Variants in USP42 observed in about 807,000 individuals in gnomAD.
USP42 encodes ubiquitin carboxyl-terminal hydrolase 42.
In USP42, 23 loss-of-function variants were observed where a neutral mutation model predicts 113.0. The observed-to-expected ratio is 0.20, with a 90% CI of 0.15 to 0.29. USP42 has a LOEUF of 0.29. Among genes scored for constraint, USP42 ranks in the 10% least tolerant of loss-of-function variants. The probability of loss-of-function intolerance (pLI) is 1.00; values close to 1 mark genes in which losing one functional copy is unlikely to be tolerated. For synonymous variants in USP42, 933 were observed against 699.0 expected (o/e 1.33, Z -5.28); for missense variants, 2,174 against 1,779.8 (o/e 1.22, Z -3.99).
At chr7:6,104,830 C>A (rs1237070884), upstream of USP42, 2 of 149,668 alleles carry the variant, frequency 1.3e-5, no homozygotes, top group Non-Finnish European at 3.0e-5. Context: ...GTGCGACGGC[C>A]CCTGGGCGGC....
intron 3 of USP42, among the ~76,000 whole-genome samples, chr7:6,120,641 T>G (rs1338263773): frequency 6.6e-6 from 1 of 152,252 alleles, no homozygotes; most frequent in Non-Finnish European, 1.5e-5. Flanking sequence ...TGGAGTGCAG[T>G]GGCACAATCT....
intron 3 of USP42, among the ~76,000 whole-genome samples, chr7:6,133,219 A>G (rs965845586): frequency 1.3e-5 from 2 of 152,124 alleles, no homozygotes; most frequent in Non-Finnish European, 1.5e-5. Context: ...AGGGTACGAA[A>G]CCATGCCTCT....
rs900251898 is a variant in USP42 at position 6,139,827 on chromosome 7, C to T, written c.657-301C>T. 3 of 455,624 alleles carry T rather than the reference C, an allele frequency of 6.6e-6. No individual in the cohort carries two copies. The highest frequency in any genetic ancestry group is 2.0e-5 in the African/African-American group (1 of 49,972). 28.2% of individuals were successfully genotyped at this position (455,624 alleles called of 1,614,324 possible). On this transcript the variant is annotated intron_variant, in intron 5 of 17. Coordinates refer to ENST00000306177, the MANE Select transcript of USP42 (RefSeq NM_032172.3). The surrounding 1 kb of genome is among the most constrained non-coding windows in gnomAD (Gnocchi z 4.5). ...GCTCCCTTTCCTCCCACACAGGCCG[C>T]AGTGCCCGGAGGCTGCCATCTTCCT...
intron 10 of USP42, 89 bp from the exon 11 acceptor site, chr7:6,146,059 C>G: frequency 9.3e-7 from 1 of 1,072,766 alleles, no homozygotes; most frequent in Non-Finnish European, 1.4e-6. Flanking sequence ...GAGACTCCAT[C>G]TCAAAAAAAA....
chr7:6,123,421 T>C (rs1387038747), intron 3 of USP42, among the ~76,000 whole-genome samples: 1 of 152,126 alleles, frequency 6.6e-6, no homozygotes, highest in Non-Finnish European at 1.5e-5. Context: ...CCCAGCACTT[T>C]GGGAGGCCAA....
intron 11 of USP42, among the ~76,000 whole-genome samples, 193 bp from the exon 12 acceptor site, chr7:6,147,546 G>A (rs575042219): frequency 6.6e-6 from 1 of 152,238 alleles, no homozygotes; most frequent in African/African-American, 2.4e-5. Context: ...AGTTATCCTT[G>A]TTGTCTCCTG....
the USP42 span, among the ~76,000 whole-genome samples, chr7:6,091,974 A>AT: frequency 5.5e-5 from 6 of 108,690 alleles, no homozygotes; most frequent in South Asian, 3.0e-4. Context: ...TCAAGGACGT[A>AT]TTTTTTCTTC....
chr7:6,086,348 G>A, the USP42 span, among the ~76,000 whole-genome samples: 1 of 150,486 alleles, frequency 6.6e-6, no homozygotes, highest in African/African-American at 2.5e-5. Context: ...TGGGACTACA[G>A]GTGCCTGCCA....
Position 6,142,976 on chromosome 7 carries a change from G to C in USP42, c.840G>C (p.Pro280=), listed in dbSNP as rs367653345. 4 of 1,613,968 alleles carry C rather than the reference G, an allele frequency of 2.5e-6. No homozygotes were observed. Among genetic ancestry groups the C allele is most frequent in the Non-Finnish European group, 3.4e-6 (4 of 1,179,872 alleles). Residue 280 remains proline, a synonymous_variant, in exon 8 of 18, where the codon CCG becomes CCC. Coordinates refer to ENST00000306177, the MANE Select transcript of USP42 (RefSeq NM_032172.3). ...AGGCATTGGAGCAGTTTGTGAAGCC[G>C]GAACAGCTTGATGGAGAAAACTCGT... The part of the protein sequence containing the change: ...VNKALEQFVK[P]EQLDGENSYK...
Position 6,159,589 on chromosome 7 carries a change from G to T in USP42, c.*36+96G>T. On this transcript the variant is annotated intron_variant, in intron 17 of 17. Transcript: ENST00000306177. This position sits in a 1 kb window ranked among gnomAD's most constrained non-coding sequence, Gnocchi z 4.1. ...AATTCTGCGGCTCTGCCTGGGGGCT[G>T]GGCTCATAGGAGTTGGCAGAGCCAT... is the stretch of plus-strand genomic sequence containing the variant. 7.7e-7 allele frequency: 1 copy of T among 1,298,520 alleles called. No individual in the cohort carries two copies. The highest frequency in any genetic ancestry group is 1.3e-5 in the South Asian group (1 of 75,468). 80.4% of individuals were successfully genotyped at this position (1,298,520 alleles called of 1,614,324 possible).
At chr7:6,124,736 C>G (rs922234176) in intron 3 of USP42, among the ~76,000 whole-genome samples, 56 of 151,494 alleles carry the variant, frequency 3.7e-4, no homozygotes, top group African/African-American at 1.3e-3. Context: ...CCCATTTATT[C>G]TTGGTTGTCT....
Position 6,149,969 on chromosome 7 carries a change from C to T in USP42, c.1773C>T (p.Pro591=), listed in dbSNP as rs371024348. ...PIPRSESCSQ[P]VMNGKSKLNS... ...CCCGCAGTGAATCCTGCTCCCAGCC[C>T]GTGATGAATGGCAAATCCAAGCTGA... The change falls in exon 13 of 18, where the codon CCC becomes CCT. Residue 591 remains proline, a synonymous_variant. Transcript: ENST00000306177. 146 of 1,613,898 alleles carry T rather than the reference C, an allele frequency of 9.0e-5. 1 individual carries two copies. The African/African-American group carries it at 1.3e-3, about 15-fold the overall frequency.
chr7:6,143,359 T>C (rs1048960970), intron 8 of USP42, among the ~76,000 whole-genome samples: 2 of 152,272 alleles, frequency 1.3e-5, no homozygotes, highest in South Asian at 2.1e-4. Flanking sequence ...GACTTTCTTA[T>C]GATAAGAGGG....
intron 2 of USP42, among the ~76,000 whole-genome samples, chr7:6,113,722 C>A (rs555811956): frequency 3.9e-5 from 6 of 152,092 alleles, no homozygotes; most frequent in Non-Finnish European, 8.8e-5. Context: ...CCCGGGTTCA[C>A]ACCATTCTCC....
At chr7:6,129,295 C>T (rs1392700859) in intron 3 of USP42, among the ~76,000 whole-genome samples, 1 of 152,192 alleles carries the variant, frequency 6.6e-6, no homozygotes, top group African/African-American at 2.4e-5. Flanking sequence ...GTGGCTCATG[C>T]CTGTAATCCC....
intron 15 of USP42, among the ~76,000 whole-genome samples, chr7:6,156,176 T>C (rs769458491): frequency 1.3e-5 from 2 of 152,206 alleles, no homozygotes; most frequent in Non-Finnish European, 2.9e-5. Context: ...TGGGAAAGAT[T>C]ACCAAAAGCC....
In USP42 at chr7:6,159,687, C is replaced by T. The variant is rs765670169; in HGVS notation, c.*36+194C>T. ...CTTGGGGACAGACCTAGACCCTCCA[C>T]CTCATCACGTTTGCATTACTGGCTG... On this transcript the variant is annotated intron_variant, in intron 17 of 17. Transcript: ENST00000306177. The surrounding 1 kb of genome is among the most constrained non-coding windows in gnomAD (Gnocchi z 4.1). 6.6e-6 allele frequency among the ~76,000 whole-genome samples: 1 copy of T among 152,206 alleles called. No homozygotes were observed. Among genetic ancestry groups the T allele is most frequent in the Non-Finnish European group, 1.5e-5 (1 of 68,040 alleles).
chr7:6,150,021 G>A lies in USP42; in HGVS notation c.1825G>A (p.Ala609Thr), dbSNP rs750335722. The change falls in exon 13 of 18, where the codon GCC becomes ACC. Residue 609 changes from alanine to threonine, a missense_variant. Ala to Thr is a moderately conservative substitution (Grantham distance 58, BLOSUM62 0). Coordinates refer to ENST00000306177, the MANE Select transcript of USP42 (RefSeq NM_032172.3). ...LNSSVLVPYGAESSEDSDEES... is the reference protein window; with the variant it reads ...LNSSVLVPYGTESSEDSDEES... Reference sequence around the variant, plus strand: ...CTCCAGCGTGCTGGTGCCCTATGGCGCCGAGTCCTCTGAGGACTCTGACGA... The same window carrying A: ...CTCCAGCGTGCTGGTGCCCTATGGCACCGAGTCCTCTGAGGACTCTGACGA... The A allele has an allele frequency of 5.0e-6, 8 of 1,612,590 alleles. No individual in the cohort carries two copies. Among genetic ancestry groups the A allele is most frequent in the South Asian group, 1.1e-5 (1 of 90,888 alleles).
chr7:6,137,870 G>C (rs372690806), intron 4 of USP42, among the ~76,000 whole-genome samples: 125 of 152,076 alleles, frequency 8.2e-4, no homozygotes, highest in Non-Finnish European at 1.4e-3. Flanking sequence ...TAGTAGAGAT[G>C]GGGTTTCACC....
Sources: gnomAD v4.1 joint callset for allele counts (sites outside exome capture counted in the v4.1 genomes callset) on GRCh38, gnomAD v4.1.1 for gene constraint, Gnocchi (gnomAD v3.1) non-coding constraint, MANE v1.5 for transcripts, NCBI Gene and HGNC (gene_info 2026-07-23, HGNC 2026-07-21) for gene names.